MTOR: variants seen among roughly 807,000 people sequenced by gnomAD.
The protein encoded by MTOR is mechanistic target of rapamycin kinase, also known as serine/threonine-protein kinase mTOR.
A neutral mutation model predicts 319.8 loss-of-function variants in MTOR; 70 were observed. The observed-to-expected ratio is 0.22, with a 90% CI of 0.18 to 0.27. The LOEUF (loss-of-function observed/expected upper bound fraction) is 0.27, where lower values mean the gene tolerates loss of function less well. Ranked by LOEUF, MTOR falls within the 10% of genes least tolerant of loss-of-function variation. MTOR has a pLI of 1.00. For missense variants in MTOR, 1,890 were observed against 3,274.4 expected, an observed-to-expected ratio of 0.58 and a Z score of 10.32; for synonymous variants, 1,183 against 1,211.4, an observed-to-expected ratio of 0.98 and a Z score of 0.49.
chr1:11,130,669 T>C lies in MTOR; in HGVS notation c.5473A>G (p.Ile1825Val), dbSNP rs748927495. The change falls in exon 39 of 58, where the codon ATC becomes GTC. Residue 1825 changes from isoleucine (I) to valine (V), a missense_variant. Around this residue, in one of 15 missense-constraint regions of MTOR, gnomAD observed 91 missense variants for 90.4 expected, o/e 1.01. Coordinates refer to ENST00000361445, the MANE Select transcript of MTOR (RefSeq NM_004958.4). Reference sequence around the variant, plus strand: ...GTGGCGGCAGTGGTGGCGTTGGTGATGTTGGCCCCGCTGGCATGACGCAGT... The same window carrying C: ...GTGGCGGCAGTGGTGGCGTTGGTGACGTTGGCCCCGCTGGCATGACGCAGT... ...KKLRHASGAN[I>V]TNATTAATTA... 6 of 1,612,490 alleles carry C rather than the reference T, an allele frequency of 3.7e-6. No homozygotes were observed. The Admixed American group carries it at 6.7e-5, about 18-fold the overall frequency.
chr1:11,144,434 A>G, intron 34 of MTOR: 1 of 522,322 alleles, frequency 1.9e-6, no homozygotes, highest in East Asian at 2.9e-5. Flanking sequence ...AGAGAAGAGA[A>G]TAAGAAGAGA....
At chr1:11,261,394 C>T (rs916464026) in intron 1 of MTOR, among the ~76,000 whole-genome samples, 5 of 151,666 alleles carry the variant, frequency 3.3e-5, no homozygotes, top group African/African-American at 1.2e-4. Flanking sequence ...ATGGCGGGAA[C>T]CCGGGAGGCG....
chr1:11,238,684 G>T, intron 11 of MTOR, 67 bp from the exon 12 acceptor site: 1 of 1,401,634 alleles, frequency 7.1e-7, no homozygotes, highest in Non-Finnish European at 9.7e-7. Flanking sequence ...TCTGCAGCTT[G>T]CTAGCTGAAT....
chr1:11,168,211 CT>C (rs561757972), intron 28 of MTOR, among the ~76,000 whole-genome samples: 2,079 of 142,206 alleles, frequency 0.015, 16 homozygotes, highest in African/African-American at 0.026. Context: ...CTCCTCTGAA[CT>C]TTTTTTTTTT....
chr1:11,249,662 C>T (rs1267474806), intron 6 of MTOR, among the ~76,000 whole-genome samples: 4 of 137,488 alleles, frequency 2.9e-5, no homozygotes, highest in Non-Finnish European at 6.3e-5. Context: ...TAACAAAGCA[C>T]ATCTTGCACC....
intron 34 of MTOR, among the ~76,000 whole-genome samples, chr1:11,139,965 C>T (rs909099236): frequency 6.6e-6 from 1 of 152,170 alleles, no homozygotes; most frequent in Admixed American, 6.5e-5. Context: ...GCTGGGATTA[C>T]AGGCGTGAGC....
intron 6 of MTOR, among the ~76,000 whole-genome samples, chr1:11,253,052 CCTCT>C (rs1367219845): frequency 6.6e-6 from 1 of 152,214 alleles, no homozygotes; most frequent in African/African-American, 2.4e-5. Context: ...GAGACACAGA[CCTCT>C]CTGACAGCCA....
chr1:11,136,798 G>GT (rs903753221), intron 36 of MTOR, among the ~76,000 whole-genome samples: 236 of 138,426 alleles, frequency 1.7e-3, no homozygotes, highest in Non-Finnish European at 1.6e-3. Flanking sequence ...CCACCCTTTA[G>GT]TTTTTTTTTT....
At chr1:11,179,336 T>C (rs963909518) in intron 28 of MTOR, among the ~76,000 whole-genome samples, 7 of 152,206 alleles carry the variant, frequency 4.6e-5, no homozygotes, top group African/African-American at 1.7e-4. Flanking sequence ...TAGCACTTTC[T>C]TTCCCTCCCC....
intron 19 of MTOR, among the ~76,000 whole-genome samples, chr1:11,223,480 C>T (rs1036482183): frequency 2.6e-5 from 4 of 151,556 alleles, no homozygotes; most frequent in African/African-American, 4.9e-5. Flanking sequence ...GGGGGAAAGG[C>T]GATGGAGGTA....
Position 11,137,426 on chromosome 1 carries a change from CCAATATTTCGTTTATCCAG to C in MTOR, c.5130+1859_5130+1877del, listed in dbSNP as rs1342679560. 1.9e-4 allele frequency among the ~76,000 whole-genome samples: 29 copies of C among 151,968 alleles called. 1 individual carries two copies. Among genetic ancestry groups the C allele is most frequent in the Admixed American group, 1.9e-3 (29 of 15,250 alleles). ...TGGGTATTAAGTTTGGATTTGAAGC[CCAATATTTCGTTTATCCAG>C]CATAAGAGAATCCAGTATCTTTCTA... is the stretch of plus-strand genomic sequence containing the variant. On this transcript the variant is annotated intron_variant, in intron 36 of 57. Transcript: ENST00000361445.
intron 19 of MTOR, among the ~76,000 whole-genome samples, chr1:11,221,102 C>A (rs2100824532): frequency 6.6e-6 from 1 of 151,944 alleles, no homozygotes; most frequent in East Asian, 1.9e-4. Flanking sequence ...TCAAGAAATT[C>A]TCCTGCCTCA....
chr1:11,241,438 A>G, intron 10 of MTOR, 115 bp downstream of exon 10: 2 of 1,317,500 alleles, frequency 1.5e-6, no homozygotes, highest in Non-Finnish European at 2.0e-6. Context: ...AGTCTAAGCT[A>G]TCCTGTCCAT....
In MTOR at chr1:11,127,508, T is replaced by A; in HGVS notation, c.6216+116A>T. 1 of 1,252,266 alleles carries A rather than the reference T, an allele frequency of 8.0e-7. No homozygotes were observed. 77.6% of individuals were successfully genotyped at this position (1,252,266 alleles called of 1,614,324 possible). ...TGGAAAGGCCAGAGGAAAAGAAATC[T>A]GACAAAGGCCTTGGGTCACGTCCTT... On this transcript the variant is annotated intron_variant, in intron 44 of 57. Coordinates refer to ENST00000361445, the MANE Select transcript of MTOR (RefSeq NM_004958.4). The surrounding 1 kb of genome is among the most constrained non-coding windows in gnomAD (Gnocchi z 5.5).
intron 6 of MTOR, among the ~76,000 whole-genome samples, chr1:11,253,269 C>T (rs781503209): frequency 6.6e-6 from 1 of 152,200 alleles, no homozygotes; most frequent in Non-Finnish European, 1.5e-5. Context: ...AACACATCTC[C>T]TAATTGGTCT....
At chr1:11,161,875 G>T (rs554437766) in intron 29 of MTOR, among the ~76,000 whole-genome samples, 2 of 152,140 alleles carry the variant, frequency 1.3e-5, no homozygotes, top group African/African-American at 4.8e-5. Context: ...AAATAAGAGC[G>T]CCTCTTCCCC....
In MTOR at chr1:11,238,752, G is replaced by C. The variant is rs537557743; in HGVS notation, c.1787-135C>G. The stretch of plus-strand genomic sequence containing the variant: ...ACTAGATATTGATCAATACGATACT[G>C]ACCCGGAACTCTTCTTTTTTTTTTT... On this transcript the variant is annotated intron_variant, in intron 11 of 57. Transcript: ENST00000361445. 3 of 684,866 alleles carry C rather than the reference G, an allele frequency of 4.4e-6. No homozygotes were observed. The African/African-American group carries it at 5.5e-5, about 12-fold the overall frequency. The allele number at this position is 684,866 out of a possible 1,614,324, so 42.4% of individuals were successfully genotyped here. A position where few individuals can be genotyped will look rare whatever the true frequency, so the allele number is the denominator to read the frequency against.
intron 36 of MTOR, among the ~76,000 whole-genome samples, chr1:11,135,865 T>C (rs1397567151): frequency 1.3e-5 from 2 of 150,660 alleles, no homozygotes; most frequent in Non-Finnish European, 2.9e-5. Context: ...CTGGGTGTGG[T>C]GGCTCACGCC....
At chr1:11,182,817 C>T (rs1645201121) in intron 28 of MTOR, among the ~76,000 whole-genome samples, 1 of 152,240 alleles carries the variant, frequency 6.6e-6, no homozygotes, top group South Asian at 2.1e-4. Context: ...CTTTCTATTG[C>T]TGAACAGTAT....
Sources: allele counts gnomAD v4.1 joint callset (sites outside exome capture counted in the v4.1 genomes callset), GRCh38; gene constraint gnomAD v4.1.1; regional missense constraint gnomAD v4.1.1; non-coding constraint Gnocchi (gnomAD v3.1); transcripts MANE v1.5; gene names NCBI Gene and HGNC (gene_info 2026-07-23, HGNC 2026-07-21).